Variants in LARGE1 observed in about 807,000 individuals in gnomAD.
LARGE1 encodes xylosyl- and glucuronyltransferase LARGE1.
LARGE1 carries 43 observed loss-of-function variants against 87.6 expected under a neutral mutation model. The observed-to-expected ratio is 0.49, with a 90% CI of 0.38 to 0.63. The LOEUF is 0.63. Ranked by LOEUF, LARGE1 falls within the 30% of genes least tolerant of loss-of-function variation. The pLI is 0.00. For missense variants in LARGE1, 802 were observed against 1,000.2 expected (o/e 0.80, Z 2.67); for synonymous variants, 434 against 394.6 (o/e 1.10, Z -1.18).
At chr22:33,621,601 T>C (rs2079756824) in intron 4 of LARGE1, among the ~76,000 whole-genome samples, 1 of 152,196 alleles carries the variant, frequency 6.6e-6, no homozygotes, top group African/African-American at 2.4e-5. Flanking sequence ...GGTACTTCAT[T>C]TGTCAATGTA....
the LARGE1 span, among the ~76,000 whole-genome samples, chr22:33,129,918 T>G: frequency 6.6e-6 from 1 of 152,132 alleles, no homozygotes; most frequent in African/African-American, 2.4e-5. Flanking sequence ...CAAGATAAGA[T>G]TTTGGGTGGG....
chr22:33,331,477 G>A (rs1386382587), intron 10 of LARGE1, among the ~76,000 whole-genome samples: 4 of 147,184 alleles, frequency 2.7e-5, no homozygotes, highest in East Asian at 2.0e-4. Flanking sequence ...GCATGATTTC[G>A]GCTCACTGCA....
At chr22:33,543,738 T>C (rs2077277248) in intron 6 of LARGE1, among the ~76,000 whole-genome samples, 1 of 152,172 alleles carries the variant, frequency 6.6e-6, no homozygotes, top group Admixed American at 6.5e-5. Context: ...CTAAAATCTG[T>C]CTTCTCTTTT....
chr22:33,563,433 T>C (rs769752238), intron 6 of LARGE1, among the ~76,000 whole-genome samples: 2 of 152,188 alleles, frequency 1.3e-5, no homozygotes, highest in African/African-American at 2.4e-5. Flanking sequence ...TAAACGCCAG[T>C]TGAAGAAATG....
chr22:33,118,642 A>AG, the LARGE1 span, among the ~76,000 whole-genome samples: 30 of 152,298 alleles, frequency 2.0e-4, no homozygotes, highest in Admixed American at 1.0e-3. Context: ...GGTCCTCCAA[A>AG]GGTTCACAGA....
intron 2 of LARGE1, among the ~76,000 whole-genome samples, chr22:33,678,131 T>C (rs2081637395): frequency 2.6e-5 from 4 of 152,208 alleles, no homozygotes; most frequent in Admixed American, 2.6e-4. Context: ...AGAAAGAATC[T>C]GGAGAGCTCA....
the LARGE1 span, among the ~76,000 whole-genome samples, chr22:33,076,406 A>T: frequency 6.6e-6 from 1 of 152,128 alleles, no homozygotes; most frequent in Non-Finnish European, 1.5e-5. Context: ...GGCCTTGTGG[A>T]TGCAATTTTC....
chr22:33,132,144 A>G, the LARGE1 span, among the ~76,000 whole-genome samples: 1 of 152,260 alleles, frequency 6.6e-6, no homozygotes, highest in Non-Finnish European at 1.5e-5. Flanking sequence ...CAGCCAAACC[A>G]TATCAACCTT....
chr22:33,498,270 T>C (rs2148343902), intron 6 of LARGE1, among the ~76,000 whole-genome samples: 1 of 152,178 alleles, frequency 6.6e-6, no homozygotes, highest in African/African-American at 2.4e-5. Context: ...AGGGGAGGGT[T>C]CAGATTTAAC....
At chr22:33,261,276 T>A (rs1257151018) in intron 11 of LARGE1, among the ~76,000 whole-genome samples, 1 of 152,214 alleles carries the variant, frequency 6.6e-6, no homozygotes, top group East Asian at 1.9e-4. Flanking sequence ...GACATTCTCA[T>A]GGTTTCGCTT....
intron 1 of LARGE1, among the ~76,000 whole-genome samples, chr22:33,843,060 C>A (rs144702594): frequency 6.6e-6 from 1 of 152,206 alleles, no homozygotes; most frequent in African/African-American, 2.4e-5. Context: ...ATACTCCTAG[C>A]CTTCCTGGAA....
chr22:33,585,969 G>A (rs2078661059), intron 5 of LARGE1, among the ~76,000 whole-genome samples: 6 of 152,226 alleles, frequency 3.9e-5, no homozygotes, highest in Admixed American at 3.9e-4. Flanking sequence ...GAAGTGCTGG[G>A]ATTACAGGTG....
At chr22:33,610,899 C>G (rs779246727) in intron 4 of LARGE1, among the ~76,000 whole-genome samples, 2 of 152,204 alleles carry the variant, frequency 1.3e-5, no homozygotes, top group Non-Finnish European at 2.9e-5. Flanking sequence ...AGCCTCAGCC[C>G]AAAGGGCCCA....
intron 11 of LARGE1, among the ~76,000 whole-genome samples, chr22:33,263,865 G>A (rs904161825): frequency 3.9e-5 from 6 of 152,202 alleles, no homozygotes; most frequent in Admixed American, 2.6e-4. Flanking sequence ...AGAGCACAGC[G>A]GTTAAGAACG....
chr22:33,801,133 G>A (rs763782248), intron 1 of LARGE1, among the ~76,000 whole-genome samples: 13 of 152,230 alleles, frequency 8.5e-5, no homozygotes, highest in Middle Eastern at 3.4e-3. Flanking sequence ...CTCTCTTGCC[G>A]CCGCCATGTA....
At position 33,520,500 on chromosome 22, in the gene LARGE1, C is replaced by A. The variant is rs150157872; in HGVS notation, c.787+44348G>T. Among the ~76,000 whole-genome samples, 467 of 152,314 alleles carry A rather than the reference C, an allele frequency of 3.1e-3. 4 individuals are homozygous for A. Among genetic ancestry groups the A allele is most frequent in the South Asian group, 0.019 (91 of 4,828 alleles). ...CAAGCACGGGAGGGGACTCTGAACT[C>A]TCTGCAGAACACAGCAGTGCTGAGC... On this transcript the variant is annotated intron_variant, in intron 6 of 14. Transcript: ENST00000397394.
At chr22:33,186,229 T>C (rs1006557663) in intron 11 of LARGE1, among the ~76,000 whole-genome samples, 1 of 152,026 alleles carries the variant, frequency 6.6e-6, no homozygotes, top group African/African-American at 2.4e-5. Flanking sequence ...GAAAATAATA[T>C]ATCAACAAAT....
intron 2 of LARGE1, among the ~76,000 whole-genome samples, chr22:33,694,758 G>T (rs771312368): frequency 2.0e-5 from 3 of 152,096 alleles, no homozygotes; most frequent in Non-Finnish European, 2.9e-5. Context: ...AAAAAAATAG[G>T]ATCAGGTAGC....
intron 11 of LARGE1, among the ~76,000 whole-genome samples, chr22:33,261,347 G>A (rs1464127935): frequency 2.6e-5 from 4 of 152,108 alleles, no homozygotes; most frequent in African/African-American, 9.7e-5. Flanking sequence ...AGAGCAATGA[G>A]AATGGAGGCT....
Sources: allele counts gnomAD v4.1 joint callset (sites outside exome capture counted in the v4.1 genomes callset), GRCh38; gene constraint gnomAD v4.1.1; transcripts MANE v1.5; gene names NCBI Gene and HGNC (gene_info 2026-07-23, HGNC 2026-07-21).